Variants in RPL3L observed in about 807,000 individuals in gnomAD.
The protein encoded by RPL3L is ribosomal protein uL3-like.
In RPL3L, 44 loss-of-function variants were observed where a neutral mutation model predicts 44.5. That is an observed-to-expected ratio of 0.99 (90% CI 0.78 to 1.27). The LOEUF (loss-of-function observed/expected upper bound fraction) is 1.27. Ranked by LOEUF, RPL3L falls within the 50% of genes most tolerant of loss-of-function variation. The probability of loss-of-function intolerance (pLI) is 0.00; values close to 1 mark genes in which losing one functional copy is unlikely to be tolerated. For missense variants in RPL3L, 631 were observed against 569.1 expected (o/e 1.11, Z -1.11); for synonymous variants, 292 against 230.7 (o/e 1.27, Z -2.41).
intron 3 of RPL3L, 52 bp from the exon 4 acceptor site, chr16:1,951,031 C>T (rs751529301): frequency 4.4e-6 from 7 of 1,592,360 alleles, no homozygotes; most frequent in Non-Finnish European, 6.0e-6. Flanking sequence ...GGCAGCTCCC[C>T]AGGCCTATCC....
chr16:1,946,657 A>G lies in RPL3L; in HGVS notation c.919T>C (p.Tyr307His). 2 of 1,612,834 alleles carry G rather than the reference A, an allele frequency of 1.2e-6. No homozygotes were observed. The highest frequency in any genetic ancestry group is 1.7e-6 in the Non-Finnish European group (2 of 1,179,914). ...GTGATGGACTTGGCAGTCACGTCGT[A>G]GCTGGTGGATGCATTGTTCTTCACC... ...KLVKNNASTSYDVTAKSITPL... is the reference protein window; with the variant it reads ...KLVKNNASTSHDVTAKSITPL... Residue 307 changes from tyrosine to histidine, a missense_variant, in exon 7 of 10, where the codon TAC (tyrosine) becomes CAC (histidine). Coordinates refer to ENST00000268661, the MANE Select transcript of RPL3L (RefSeq NM_005061.3).
intron 5 of RPL3L, 35 bp from the exon 6 acceptor site, chr16:1,947,133 G>C (rs754538089): frequency 1.2e-6 from 2 of 1,613,044 alleles, no homozygotes; most frequent in African/African-American, 2.7e-5. Flanking sequence ...TGAGAGGCCA[G>C]GCTGGTCCCC....
At chr16:1,952,753 C>T (rs530305357) in intron 3 of RPL3L, 121 bp downstream of exon 3, 271 of 1,140,308 alleles carry the variant, frequency 2.4e-4, no homozygotes, top group East Asian at 1.0e-3. Flanking sequence ...CTCCCACAGA[C>T]GGTTGAGACT....
At chr16:1,944,992 C>G (rs1261250697) in intron 9 of RPL3L, 99 bp from the exon 10 acceptor site, 24 of 1,429,782 alleles carry the variant, frequency 1.7e-5, no homozygotes, top group Non-Finnish European at 2.2e-5. Context: ...GGCCCTACTG[C>G]CCCCCTAAGG....
chr16:1,954,515 C>A, intron 1 of RPL3L, 114 bp downstream of exon 1: 1 of 1,197,812 alleles, frequency 8.3e-7, no homozygotes, highest in South Asian at 1.6e-5. Flanking sequence ...AGCCTCCCAT[C>A]CCCTCACAGG....
intron 1 of RPL3L, 87 bp downstream of exon 1, chr16:1,954,542 C>T (rs2906913): frequency 7.0e-7 from 1 of 1,423,268 alleles, no homozygotes; most frequent in African/African-American, 1.5e-5. Context: ...GACTGTCCCT[C>T]TGAGGGAGCA....
chr16:1,948,273 G>C (rs796638439), intron 4 of RPL3L, among the ~76,000 whole-genome samples: 10 of 152,014 alleles, frequency 6.6e-5, no homozygotes, highest in East Asian at 3.9e-4. Flanking sequence ...GCCCAGACTG[G>C]AGTACAGTGG....
At chr16:1,949,239 T>C (rs35654939) in intron 4 of RPL3L, among the ~76,000 whole-genome samples, 1 of 133,896 alleles carries the variant, frequency 7.5e-6, no homozygotes, top group African/African-American at 3.0e-5. Context: ...CTGGGCCTGA[T>C]TTTTGTTTTT....
chr16:1,949,974 C>T (rs1240610169), intron 4 of RPL3L, among the ~76,000 whole-genome samples: 7 of 49,950 alleles, frequency 1.4e-4, no homozygotes, highest in Middle Eastern at 0.021. Flanking sequence ...CAGGTATGGA[C>T]GGGGCAGGTA....
chr16:1,952,216 G>A (rs150331028), intron 3 of RPL3L, among the ~76,000 whole-genome samples: 3,665 of 151,414 alleles, frequency 0.024, 133 homozygotes, highest in African/African-American at 0.078. Flanking sequence ...TGAGCCACCC[G>A]CCTTGGCCTC....
In RPL3L at chr16:1,947,239, C is replaced by T. The variant is rs1054276540; in HGVS notation, c.643G>A (p.Glu215Lys). 7 of 1,613,506 alleles carry T rather than the reference C, an allele frequency of 4.3e-6. No homozygotes were observed. Among genetic ancestry groups the T allele is most frequent in the Non-Finnish European group, 5.1e-6 (6 of 1,179,768 alleles). ...GTGACAGCAATGACATCAATGACCT[C>T]ACTCTGGCTGAACACGCTGTGCACG... ...VPVHSVFSQS[E>K]VIDVIAVTKG... The change falls in exon 5 of 10, where the codon GAG (glutamate) becomes AAG (lysine). Residue 215 changes from glutamate (E) to lysine (K), a missense_variant. Coordinates refer to ENST00000268661, the MANE Select transcript of RPL3L (RefSeq NM_005061.3).
At chr16:1,948,542 A>T (rs975635303) in intron 4 of RPL3L, among the ~76,000 whole-genome samples, 1 of 150,288 alleles carries the variant, frequency 6.7e-6, no homozygotes, top group Admixed American at 6.6e-5. Context: ...ATTTTTTTAT[A>T]TTTTTATTTT....
intron 9 of RPL3L, 62 bp downstream of exon 9, chr16:1,945,437 G>T: frequency 1.3e-6 from 2 of 1,563,626 alleles, no homozygotes; most frequent in Non-Finnish European, 8.7e-7. Context: ...CTCCCTACTC[G>T]GGCAGGCTGG....
chr16:1,948,784 C>T (rs55918058), intron 4 of RPL3L, among the ~76,000 whole-genome samples: 1,881 of 151,662 alleles, frequency 0.012, 20 homozygotes, highest in Non-Finnish European at 0.019. Flanking sequence ...GGCGCAATCT[C>T]GGCTCACTGC....
chr16:1,945,710 C>A, intron 8 of RPL3L, 92 bp from the exon 9 acceptor site: 1 of 1,604,746 alleles, frequency 6.2e-7, no homozygotes. Flanking sequence ...GTCTTGCTCA[C>A]CTAGTTCCTA....
Position 1,946,914 on chromosome 16 carries a change from C to A in RPL3L, c.849+24G>T, listed in dbSNP as rs764528932. ...GGCTGGGGTCCGACCACACAGTGTCCCCGTACCCCGGCTGAGGACGCACCT... is the reference window on the plus strand; with the variant it reads ...GGCTGGGGTCCGACCACACAGTGTCACCGTACCCCGGCTGAGGACGCACCT... On this transcript the variant is annotated intron_variant, in intron 6 of 9. Transcript: ENST00000268661. The A allele has an allele frequency of 1.9e-6, 3 of 1,586,558 alleles. No homozygotes were observed. In the East Asian group the frequency reaches 6.7e-5, roughly 36 times the overall value.
At chr16:1,948,955 C>T (rs56111848) in intron 4 of RPL3L, among the ~76,000 whole-genome samples, 4,360 of 151,458 alleles carry the variant, frequency 0.029, 103 homozygotes, top group African/African-American at 0.058. Context: ...ACCTGATCTG[C>T]CTGCCTCGGC....
At position 1,952,992 on chromosome 16, in the gene RPL3L, G is replaced by C. The variant is rs1018083984; in HGVS notation, c.247C>G (p.Pro83Ala). The change falls in exon 3 of 10, where the codon CCC becomes GCC. Residue 83 changes from proline to alanine, a missense_variant. Pro to Ala is a conservative substitution (Grantham distance 27). Transcript: ENST00000268661. ...VEAVTIVETP[P>A]LVVVGVVGYV... is the part of the protein sequence containing the mutation. ...CCCACCACGCCCACCACCACTAGGG[G>C]CGGCGTTTCTACAATTGTCACCGCC... 1 of 1,610,868 alleles carries C rather than the reference G, an allele frequency of 6.2e-7. No individual in the cohort carries two copies. Among genetic ancestry groups the C allele is most frequent in the African/African-American group, 1.3e-5 (1 of 74,720 alleles).
rs1266165122 is a variant in RPL3L at position 1,950,997 on chromosome 16, G to C, written c.366-18C>G. On this transcript the variant is annotated intron_variant, in intron 3 of 9. Coordinates refer to ENST00000268661, the MANE Select transcript of RPL3L (RefSeq NM_005061.3). ...TCTTGTGCCTGAGCCATGCACAGGAGGGTGCTCAGAAGCCCCCAACCGGGG... is the reference window on the plus strand; with the variant it reads ...TCTTGTGCCTGAGCCATGCACAGGACGGTGCTCAGAAGCCCCCAACCGGGG... The C allele has an allele frequency of 1.2e-6, 2 of 1,612,226 alleles. No individual in the cohort carries two copies. The highest frequency in any genetic ancestry group is 4.5e-5 in the East Asian group (2 of 44,864).
Sources: allele counts gnomAD v4.1 joint callset (sites outside exome capture counted in the v4.1 genomes callset), GRCh38; gene constraint gnomAD v4.1.1; transcripts MANE v1.5; gene names NCBI Gene and HGNC (gene_info 2026-07-23, HGNC 2026-07-21).